GRM8: variants seen among roughly 807,000 people sequenced by gnomAD.
The protein encoded by GRM8 is metabotropic glutamate receptor 8.
In GRM8, 47 loss-of-function variants were observed where a neutral mutation model predicts 87.2. The ratio of observed to expected loss-of-function variants is 0.54; its 90% confidence interval spans 0.43 to 0.69. GRM8 has a LOEUF of 0.69. GRM8 is among the 30% of genes least tolerant of loss of function. The pLI, the probability that GRM8 is intolerant of heterozygous loss-of-function variation, is 0.00. For missense variants in GRM8, 1,019 were observed against 1,139.2 expected (o/e 0.89, Z 1.52); for synonymous variants, 396 against 404.5 (o/e 0.98, Z 0.25).
At chr7:126,944,346 T>G (rs973530632) in intron 3 of GRM8, among the ~76,000 whole-genome samples, 3 of 152,160 alleles carry the variant, frequency 2.0e-5, no homozygotes, top group Admixed American at 6.5e-5. Context: ...AAAGGTGTAT[T>G]TTTCAAGAAT....
chr7:126,819,697 A>C (rs1794125599), intron 6 of GRM8, among the ~76,000 whole-genome samples: 1 of 152,174 alleles, frequency 6.6e-6, no homozygotes, highest in Admixed American at 6.5e-5. Context: ...TAGCTCGTTC[A>C]ATACAACAAA....
chr7:126,778,413 G>A (rs189345663), intron 6 of GRM8, among the ~76,000 whole-genome samples: 2 of 152,140 alleles, frequency 1.3e-5, no homozygotes, highest in African/African-American at 4.8e-5. Context: ...CTAGAGTTTC[G>A]AAAACACTGA....
intron 7 of GRM8, among the ~76,000 whole-genome samples, chr7:126,630,965 C>A (rs1189363481): frequency 6.6e-6 from 1 of 152,128 alleles, no homozygotes; most frequent in Non-Finnish European, 1.5e-5. Flanking sequence ...CCCTTGAAAG[C>A]TGGCACAAGA....
intron 9 of GRM8, among the ~76,000 whole-genome samples, chr7:126,513,279 T>G (rs1176808491): frequency 7.2e-5 from 11 of 152,132 alleles, no homozygotes; most frequent in Admixed American, 7.2e-4. Context: ...AATGAATGTG[T>G]GTGGTCTTCT....
At chr7:126,446,459 C>T in intron 9 of GRM8, 87 bp from the exon 10 acceptor site, 1 of 879,860 alleles carries the variant, frequency 1.1e-6, no homozygotes, top group South Asian at 1.7e-5. Context: ...TAAAATTGTT[C>T]CAGCTTCTCT....
chr7:126,855,401 G>A (rs1797581381), intron 6 of GRM8, among the ~76,000 whole-genome samples: 1 of 151,650 alleles, frequency 6.6e-6, no homozygotes. Context: ...AGAACAGCTA[G>A]GAAACTTGTC....
intron 9 of GRM8, among the ~76,000 whole-genome samples, chr7:126,500,090 CTCTT>C (rs1328892382): frequency 6.6e-6 from 1 of 151,894 alleles, no homozygotes; most frequent in African/African-American, 2.4e-5. Flanking sequence ...TTAAAGTCCA[CTCTT>C]TCAGCCATTT....
intron 3 of GRM8, among the ~76,000 whole-genome samples, chr7:127,106,097 C>T (rs1252537778): frequency 6.6e-6 from 1 of 152,176 alleles, no homozygotes; most frequent in East Asian, 1.9e-4. Context: ...AGACTTAGTC[C>T]CTCTAGTGTT....
In GRM8 at chr7:127,232,488, A is replaced by G. The variant is rs544920714; in HGVS notation, c.510+10207T>C. On this transcript the variant is annotated intron_variant, in intron 2 of 10. Transcript: ENST00000339582. Reference sequence around the variant, plus strand: ...TGGTCTTGAACTCCTGGGCTCAAGTAATCCATCCACCTTGGCCTCCCACAG... The same window carrying G: ...TGGTCTTGAACTCCTGGGCTCAAGTGATCCATCCACCTTGGCCTCCCACAG... Among the ~76,000 whole-genome samples, 3 of 152,194 alleles carry G rather than the reference A, an allele frequency of 2.0e-5. No individual in the cohort carries two copies. The South Asian group carries it at 6.2e-4, about 32-fold the overall frequency.
intron 3 of GRM8, among the ~76,000 whole-genome samples, chr7:126,908,820 T>C (rs1362659370): frequency 2.0e-5 from 3 of 152,240 alleles, no homozygotes; most frequent in Non-Finnish European, 4.4e-5. Context: ...GGCACTGGAC[T>C]ATTAATCTAT....
At chr7:126,635,971 C>T (rs1387690629) in intron 7 of GRM8, among the ~76,000 whole-genome samples, 1 of 152,096 alleles carries the variant, frequency 6.6e-6, no homozygotes, top group Non-Finnish European at 1.5e-5. Flanking sequence ...GTTGATATTA[C>T]AGGTAAATGG....
chr7:126,651,216 C>A (rs1418455142), intron 7 of GRM8, among the ~76,000 whole-genome samples: 1 of 152,238 alleles, frequency 6.6e-6, no homozygotes, highest in East Asian at 1.9e-4. Flanking sequence ...GACCAAGGCA[C>A]TCACTTTGTG....
chr7:126,879,904 G>A (rs187226907), intron 6 of GRM8, among the ~76,000 whole-genome samples: 206 of 152,192 alleles, frequency 1.4e-3, no homozygotes, highest in Middle Eastern at 3.4e-3. Context: ...TCTAGTTTGC[G>A]TGCCCTTTCT....
In GRM8 at chr7:126,911,092, CTG is replaced by C. The variant is rs1044585572; in HGVS notation, c.728-6411_728-6410del. On this transcript the variant is annotated intron_variant, in intron 3 of 10. Transcript: ENST00000339582. ...AGCCAGACAAGAATCATCACCAACA[CTG>C]AGAGATACTTGACATTCAGCCCTAA... Among the ~76,000 whole-genome samples the C allele has an allele frequency of 4.6e-5, 7 of 152,282 alleles. No homozygotes were observed. In the South Asian group the frequency reaches 1.0e-3, roughly 23 times the overall value.
chr7:126,829,045 G>C (rs1376640790), intron 6 of GRM8, among the ~76,000 whole-genome samples: 1 of 152,156 alleles, frequency 6.6e-6, no homozygotes, highest in African/African-American at 2.4e-5. Context: ...GTTCTAGTAT[G>C]ATCGCACTGT....
intron 7 of GRM8, among the ~76,000 whole-genome samples, chr7:126,673,910 A>C (rs1806661657): frequency 6.6e-6 from 1 of 152,164 alleles, no homozygotes; most frequent in African/African-American, 2.4e-5. Flanking sequence ...CCCTAATCTT[A>C]GTTGGCGTTC....
At chr7:126,514,882 T>C (rs1315196035) in intron 9 of GRM8, among the ~76,000 whole-genome samples, 1 of 152,068 alleles carries the variant, frequency 6.6e-6, no homozygotes, top group Non-Finnish European at 1.5e-5. Context: ...GAATGTTTGA[T>C]AGGAATTTAT....
At chr7:126,984,653 C>T (rs1211080751) in intron 3 of GRM8, among the ~76,000 whole-genome samples, 1 of 152,152 alleles carries the variant, frequency 6.6e-6, no homozygotes, top group Non-Finnish European at 1.5e-5. Context: ...ACTTAATAAA[C>T]TCCCCTTTAT....
At chr7:126,782,769 G>T (rs75389907) in intron 6 of GRM8, among the ~76,000 whole-genome samples, 1 of 151,942 alleles carries the variant, frequency 6.6e-6, no homozygotes, top group African/African-American at 2.4e-5. Flanking sequence ...GTGTATTATT[G>T]GACCACCCAA....
Sources: gnomAD v4.1 joint callset for allele counts (sites outside exome capture counted in the v4.1 genomes callset) on GRCh38, gnomAD v4.1.1 for gene constraint, MANE v1.5 for transcripts, NCBI Gene and HGNC (gene_info 2026-07-23, HGNC 2026-07-21) for gene names.